Variants in ANKRD7 observed in about 807,000 individuals in gnomAD.
ANKRD7 encodes the protein ankyrin repeat domain 7.
ANKRD7 carries 30 observed loss-of-function variants against 30.8 expected under a neutral mutation model. The ratio of observed to expected loss-of-function variants is 0.97; its 90% confidence interval spans 0.73 to 1.32. ANKRD7 has a LOEUF of 1.32. Ranked by LOEUF, ANKRD7 falls within the 40% of genes most tolerant of loss-of-function variation. The pLI, the probability that ANKRD7 is intolerant of heterozygous loss-of-function variation, is 0.00. For synonymous variants in ANKRD7, 97 were observed against 106.6 expected, an observed-to-expected ratio of 0.91 and a Z score of 0.55; for missense variants, 264 against 295.7, an observed-to-expected ratio of 0.89 and a Z score of 0.79.
At position 118,240,151 on chromosome 7, in the gene ANKRD7, T is replaced by A. The variant is rs927409582; in HGVS notation, c.*37+153T>A. Among the ~76,000 whole-genome samples, 5 of 152,066 alleles carry A rather than the reference T, an allele frequency of 3.3e-5. No individual in the cohort carries two copies. In the East Asian group the frequency reaches 9.7e-4, roughly 29 times the overall value. On this transcript the variant is annotated intron_variant, in intron 6 of 6. Coordinates refer to ENST00000265224, the MANE Select transcript of ANKRD7 (RefSeq NM_019644.4). ...TCAAATATTTTTAAGAACTATTCTT[T>A]TTTATTTATTTATTTATTTATTTAT...
chr7:118,227,943 C>A, intron 1 of ANKRD7: 2 of 1,337,280 alleles, frequency 1.5e-6, no homozygotes, highest in South Asian at 1.2e-5. Flanking sequence ...GTTGTCCAAT[C>A]TTCTAGATGG....
intron 3 of ANKRD7, 36 bp from the exon 4 acceptor site, chr7:118,236,005 T>C (rs569225855): frequency 1.3e-5 from 15 of 1,177,292 alleles, no homozygotes; most frequent in Non-Finnish European, 1.8e-5. Context: ...GAAAATTTGC[T>C]ACAATATTTT....
At chr7:118,240,071 A>G (rs1809801118) in intron 6 of ANKRD7, 73 bp downstream of exon 6, 2 of 792,882 alleles carry the variant, frequency 2.5e-6, no homozygotes, top group Admixed American at 3.8e-5. Context: ...AAAGGAAACA[A>G]CTTTCTTAAG....
chr7:118,233,273 C>A (rs1457343309), intron 1 of ANKRD7, among the ~76,000 whole-genome samples: 1 of 151,986 alleles, frequency 6.6e-6, no homozygotes, highest in Non-Finnish European at 1.5e-5. Context: ...TGGATAACTT[C>A]TGGTTTTATT....
intron 1 of ANKRD7, chr7:118,228,112 C>T (rs1269302788): frequency 8.4e-7 from 1 of 1,184,556 alleles, no homozygotes; most frequent in Non-Finnish European, 1.1e-6. Flanking sequence ...TCTTTCAGAA[C>T]ACTGGGGCCA....
In ANKRD7 at chr7:118,234,462, C is replaced by G; in HGVS notation, c.211C>G (p.His71Asp). The G allele has an allele frequency of 6.2e-7, 1 of 1,612,318 alleles. No individual in the cohort carries two copies. Among genetic ancestry groups the G allele is most frequent in the Non-Finnish European group, 8.5e-7 (1 of 1,179,318 alleles). ...TTTGCACCTAGCCTGTGCTAATGGA[C>G]ATACAGATGTTGTACTTTTCCTAAT... ...TPLHLACANG[H>D]TDVVLFLIEQ... The change falls in exon 2 of 7, where the codon CAT becomes GAT. Residue 71 changes from histidine (H) to aspartate (D), a missense_variant. Transcript: ENST00000265224.
chr7:118,225,484 C>T (rs1262576820), intron 1 of ANKRD7, among the ~76,000 whole-genome samples: 1 of 144,526 alleles, frequency 6.9e-6, no homozygotes, highest in African/African-American at 2.7e-5. Context: ...CAAGACTCAT[C>T]TCAAAAAAAA....
chr7:118,240,022 GTTT>G (rs201097274), intron 6 of ANKRD7, 24 bp downstream of exon 6: 1 of 1,319,960 alleles, frequency 7.6e-7, no homozygotes, highest in Non-Finnish European at 1.0e-6. Context: ...CTGGATTAGT[GTTT>G]TTTTCTTGTT....
In ANKRD7 at chr7:118,236,198, G is replaced by T. The variant is rs555935092; in HGVS notation, c.575+51G>T. 50 of 1,017,016 alleles carry T rather than the reference G, an allele frequency of 4.9e-5. 1 individual carries two copies. The South Asian group carries it at 6.6e-4, about 14-fold the overall frequency. 63.0% of individuals were successfully genotyped at this position (1,017,016 alleles called of 1,614,324 possible). A position where few individuals can be genotyped will look rare whatever the true frequency, so the allele number is the denominator to read the frequency against. On this transcript the variant is annotated intron_variant, in intron 4 of 6. Coordinates refer to ENST00000265224, the MANE Select transcript of ANKRD7 (RefSeq NM_019644.4). ...ATAACTAAAGCTACCTGATAGGATTGTGTGTGTGCGTATGTGTGTGTGTGT... is the reference window on the plus strand; with the variant it reads ...ATAACTAAAGCTACCTGATAGGATTTTGTGTGTGCGTATGTGTGTGTGTGT...
chr7:118,241,287 C>T (rs1275641084), intron 6 of ANKRD7, among the ~76,000 whole-genome samples: 4 of 151,382 alleles, frequency 2.6e-5, no homozygotes, highest in African/African-American at 9.7e-5. Context: ...GAACTCTCCT[C>T]TGTATTCACT....
intron 5 of ANKRD7, among the ~76,000 whole-genome samples, chr7:118,238,491 C>A (rs1809771822): frequency 6.6e-6 from 1 of 152,102 alleles, no homozygotes; most frequent in South Asian, 2.1e-4. Flanking sequence ...GTAATTGTGA[C>A]TTTTGTTGCT....
At chr7:118,227,384 A>G (rs1417061877) in intron 1 of ANKRD7, among the ~76,000 whole-genome samples, 3 of 152,100 alleles carry the variant, frequency 2.0e-5, no homozygotes, top group African/African-American at 7.2e-5. Context: ...TCTCTTTCTT[A>G]TCATATGGCA....
intron 6 of ANKRD7, among the ~76,000 whole-genome samples, chr7:118,240,593 A>G (rs946288442): frequency 2.0e-5 from 3 of 152,148 alleles, no homozygotes; most frequent in Non-Finnish European, 2.9e-5. Flanking sequence ...ATGTAAAAAT[A>G]TGCTTAATGA....
At chr7:118,241,047 G>T (rs1809827647) in intron 6 of ANKRD7, among the ~76,000 whole-genome samples, 1 of 149,434 alleles carries the variant, frequency 6.7e-6, no homozygotes, top group South Asian at 2.1e-4. Context: ...CCAGCTACTC[G>T]GGAGGCTGAG....
At chr7:118,230,089 A>T (rs997945960) in intron 1 of ANKRD7, among the ~76,000 whole-genome samples, 1 of 152,096 alleles carries the variant, frequency 6.6e-6, no homozygotes, top group Non-Finnish European at 1.5e-5. Context: ...AATGTGGAAA[A>T]GTTGAAAGCA....
At position 118,236,941 on chromosome 7, in the gene ANKRD7, A is replaced by G. The variant is rs2116020205; in HGVS notation, c.712+15A>G. The stretch of plus-strand genomic sequence containing the variant: ...GGTTTTACTGCGTAAGTGATACTGC[A>G]TGTCTTTTAACAACTGTATGGGGTT... On this transcript the variant is annotated intron_variant, in intron 5 of 6. Coordinates refer to ENST00000265224, the MANE Select transcript of ANKRD7 (RefSeq NM_019644.4). 1.2e-6 allele frequency: 2 copies of G among 1,612,532 alleles called. No homozygotes were observed. The highest frequency in any genetic ancestry group is 1.7e-6 in the Non-Finnish European group (2 of 1,179,174).
At chr7:118,234,338 AC>A (rs1809690012) in intron 1 of ANKRD7, 92 bp from the exon 2 acceptor site, 1 of 657,694 alleles carries the variant, frequency 1.5e-6, no homozygotes, top group Non-Finnish European at 2.6e-6. Context: ...CAAGTACCTT[AC>A]CAATGTACAA....
chr7:118,232,239 G>A lies in ANKRD7; in HGVS notation c.180-2192G>A, dbSNP rs114732885. Reference sequence around the variant, plus strand: ...CCAATTGTGAGCTCTAAAATTTAAGGACACTTAAATCTAAAATTTAAAATA... The same window carrying A: ...CCAATTGTGAGCTCTAAAATTTAAGAACACTTAAATCTAAAATTTAAAATA... On this transcript the variant is annotated intron_variant, in intron 1 of 6. Transcript: ENST00000265224. Among the ~76,000 whole-genome samples the A allele has an allele frequency of 5.7e-3, 870 of 151,814 alleles. 9 individuals are homozygous for A. Among genetic ancestry groups the A allele is most frequent in the African/African-American group, 0.02 (827 of 41,414 alleles).
In ANKRD7 at chr7:118,240,110, G is replaced by A. The variant is rs550086206; in HGVS notation, c.*37+112G>A. 201 of 383,912 alleles carry A rather than the reference G, an allele frequency of 5.2e-4. 1 individual carries two copies. Among genetic ancestry groups the A allele is most frequent in the African/African-American group, 4.0e-3 (188 of 47,454 alleles). The allele number at this position is 383,912 out of a possible 1,614,324, so 23.8% of individuals were successfully genotyped here. A position where few individuals can be genotyped will look rare whatever the true frequency, so the allele number is the denominator to read the frequency against. On this transcript the variant is annotated intron_variant, in intron 6 of 6. Transcript: ENST00000265224. ...CATTTAATTTTAAAATGGAAATTTT[G>A]TATTATTTTGAAATGTCAAATATTT... is the stretch of plus-strand genomic sequence containing the variant.
Sources: allele counts gnomAD v4.1 joint callset (sites outside exome capture counted in the v4.1 genomes callset), GRCh38; gene constraint gnomAD v4.1.1; transcripts MANE v1.5; gene names NCBI Gene and HGNC (gene_info 2026-07-23, HGNC 2026-07-21).